The following UGDH variants were observed in gnomAD, a reference collection of about 807,000 sequenced individuals.
UGDH encodes the protein UDP-glucose 6-dehydrogenase.
UGDH carries 38 observed loss-of-function variants against 50.6 expected under a neutral mutation model. That is an observed-to-expected ratio of 0.75 (90% confidence interval 0.58 to 0.98). The LOEUF (loss-of-function observed/expected upper bound fraction) is 0.98, where lower values mean the gene tolerates loss of function less well. Ranked by LOEUF, UGDH falls within the 50% of genes least tolerant of loss-of-function variation. The pLI is 0.00. For missense variants in UGDH, 465 were observed against 606.2 expected (o/e 0.77, Z 2.45); for synonymous variants, 168 against 199.9 (o/e 0.84, Z 1.35).
chr4:39,512,293 A>G (rs551916783), intron 3 of UGDH, among the ~76,000 whole-genome samples: 11 of 152,354 alleles, frequency 7.2e-5, no homozygotes, highest in East Asian at 1.9e-4. Context: ...TTATAACCCA[A>G]TGGGAGACTA....
intron 3 of UGDH, among the ~76,000 whole-genome samples, chr4:39,511,543 G>A (rs1329779926): frequency 6.6e-6 from 1 of 151,494 alleles, no homozygotes; most frequent in African/African-American, 2.4e-5. Flanking sequence ...GATTACAGGC[G>A]TGAGCCACCG....
rs565072634 is a variant in UGDH, at chr4:39,519,311, C to T, written c.162+2040G>A. On this transcript the variant is annotated intron_variant, in intron 2 of 11. Transcript: ENST00000316423. The stretch of plus-strand genomic sequence containing the variant: ...GCTCAAATGATCCTTCTGTCTCAGC[C>T]TCCTGAGTAGCCAGAACTACAAGGC... Among the ~76,000 whole-genome samples the T allele has an allele frequency of 4.6e-5, 7 of 151,996 alleles. No homozygotes were observed. In the South Asian group the frequency reaches 1.5e-3, roughly 32 times the overall value.
intron 11 of UGDH, among the ~76,000 whole-genome samples, 187 bp downstream of exon 11, chr4:39,503,686 TTC>T (rs1745914485): frequency 1.3e-5 from 2 of 152,190 alleles, no homozygotes; most frequent in Non-Finnish European, 2.9e-5. Flanking sequence ...TGAAATAAAC[TTC>T]TGATATTGAT....
chr4:39,516,049 T>C lies in UGDH; in HGVS notation c.163-1865A>G, dbSNP rs10028146. ...TAAACAAACTGGTTTCTTCAACCAA[T>C]AGATACTGGTTGAAGCACAACTATT... is the stretch of plus-strand genomic sequence containing the variant. On this transcript the variant is annotated intron_variant, in intron 2 of 11. Transcript: ENST00000316423. 8.6e-3 allele frequency among the ~76,000 whole-genome samples: 1,314 copies of C among 152,304 alleles called. 16 individuals carry two copies. Among genetic ancestry groups the C allele is most frequent in the African/African-American group, 0.03 (1,242 of 41,564 alleles).
Position 39,498,772 on chromosome 4 carries a change from T to C in UGDH, c.*1371A>G, listed in dbSNP as rs1745681283. On this transcript the variant is annotated 3_prime_UTR_variant, in exon 12 of 12. Transcript: ENST00000316423. ...CACCCATATAGTTGTTGATGGAGAA[T>C]GTTTTATTTATGTAATTTTCATCTG... is the stretch of plus-strand genomic sequence containing the variant. 1 of 152,214 alleles carries C rather than the reference T, an allele frequency of 6.6e-6. No individual in the cohort carries two copies. The highest frequency in any genetic ancestry group is 2.1e-4 in the South Asian group (1 of 4,830). 9.4% of individuals were successfully genotyped at this position (152,214 alleles called of 1,614,324 possible).
intron 1 of UGDH, 46 bp from the exon 2 acceptor site, chr4:39,521,565 T>C: frequency 7.1e-7 from 1 of 1,409,828 alleles, no homozygotes; most frequent in Non-Finnish European, 9.4e-7. Context: ...AAACAGAAAA[T>C]TTAAAGAAAT....
Position 39,503,929 on chromosome 4 carries a change from A to G in UGDH, c.1320T>C (p.Asp440=), listed in dbSNP as rs374523650. ...KKMLKPAFIF[D]GRRVLDGLHN... ...GGAGCCCATCCAGGACACGCCGTCC[A>G]TCGAAGATAAAGGCTGGCTTTAGCA... Residue 440 remains aspartate, a synonymous_variant, in exon 11 of 12, where the codon GAT becomes GAC. Coordinates refer to ENST00000316423, the MANE Select transcript of UGDH (RefSeq NM_003359.4). 6 of 1,614,122 alleles carry G rather than the reference A, an allele frequency of 3.7e-6. No homozygotes were observed. In the African/African-American group the frequency reaches 5.3e-5, roughly 14 times the overall value.
chr4:39,512,352 G>A (rs907949923), intron 3 of UGDH, among the ~76,000 whole-genome samples: 1 of 152,156 alleles, frequency 6.6e-6, no homozygotes, highest in Non-Finnish European at 1.5e-5. Flanking sequence ...ATTGAGTTGA[G>A]GTGTGAAAAG....
intron 2 of UGDH, among the ~76,000 whole-genome samples, chr4:39,516,427 A>T (rs1372288073): frequency 1.3e-5 from 2 of 152,230 alleles, no homozygotes; most frequent in Non-Finnish European, 2.9e-5. Context: ...ACGGAGATTC[A>T]TTGTACTGTT....
At chr4:39,513,524 C>G (rs1221190397) in intron 3 of UGDH, among the ~76,000 whole-genome samples, 2 of 144,032 alleles carry the variant, frequency 1.4e-5, no homozygotes, top group Non-Finnish European at 3.0e-5. Context: ...ACCAGCATTT[C>G]CTAGTTCTTT....
rs1291880165 is a variant in UGDH at position 39,500,038 on chromosome 4, CA to C, written c.*104del. Reference sequence around the variant, plus strand: ...GTGAGACTCTGTCTCAAAAAAAAAACAAAAAAAAACACTTGGTTCATTTACC... The same window carrying C: ...GTGAGACTCTGTCTCAAAAAAAAAACAAAAAAAACACTTGGTTCATTTACC... On this transcript the variant is annotated 3_prime_UTR_variant, in exon 12 of 12. Transcript: ENST00000316423. The C allele has an allele frequency of 6.2e-5, 36 of 581,752 alleles. No homozygotes were observed. Among genetic ancestry groups the C allele is most frequent in the Middle Eastern group, 4.7e-4 (1 of 2,130 alleles). 36.0% of individuals were successfully genotyped at this position (581,752 alleles called of 1,614,324 possible). A position where few individuals can be genotyped will look rare whatever the true frequency, so the allele number is the denominator to read the frequency against.
chr4:39,515,888 C>T lies in UGDH; in HGVS notation c.163-1704G>A, dbSNP rs185450904. On this transcript the variant is annotated intron_variant, in intron 2 of 11. Coordinates refer to ENST00000316423, the MANE Select transcript of UGDH (RefSeq NM_003359.4). ...CTAATTTTTGTATTTTTGGTAGAGA[C>T]GGGGTTTTTCCATGTTGGCCAGGCT... Among the ~76,000 whole-genome samples, 148 of 152,042 alleles carry T rather than the reference C, an allele frequency of 9.7e-4. 1 individual carries two copies. Among genetic ancestry groups the T allele is most frequent in the African/African-American group, 3.5e-3 (147 of 41,502 alleles).
In UGDH at chr4:39,527,354, G is replaced by C. The variant is rs112339080; in HGVS notation, c.-79C>G. The C allele has an allele frequency of 0.015, 3,610 of 243,636 alleles. 121 individuals carry two copies. Among genetic ancestry groups the C allele is most frequent in the Non-Finnish European group, 0.016 (1,862 of 118,320 alleles). The allele number at this position is 243,636 out of a possible 1,614,324, so 15.1% of individuals were successfully genotyped here. On this transcript the variant is annotated 5_prime_UTR_variant, in exon 1 of 12. Transcript: ENST00000316423. ...CGGACAGCACCTTCCTACGGGCCGC[G>C]CCGCCGCAGCTTCTCCACCCGCGCC...
chr4:39,518,334 T>A (rs1312145044), intron 2 of UGDH, among the ~76,000 whole-genome samples: 1 of 152,068 alleles, frequency 6.6e-6, no homozygotes, highest in Non-Finnish European at 1.5e-5. Context: ...AATTGCTGGA[T>A]CACAGACTAA....
chr4:39,514,003 G>A (rs1171186274), intron 3 of UGDH, 80 bp downstream of exon 3: 1 of 1,187,668 alleles, frequency 8.4e-7, no homozygotes, highest in African/African-American at 1.8e-5. Context: ...TAATACCAAT[G>A]GATTTACTAT....
chr4:39,524,526 A>G (rs1282749309), intron 1 of UGDH, among the ~76,000 whole-genome samples: 1 of 150,896 alleles, frequency 6.6e-6, no homozygotes, highest in Non-Finnish European at 1.5e-5. Context: ...TTTCTGACAC[A>G]AGGTCTCACT....
chr4:39,524,153 C>T (rs1342585988), intron 1 of UGDH, among the ~76,000 whole-genome samples: 1 of 152,192 alleles, frequency 6.6e-6, no homozygotes, highest in Non-Finnish European at 1.5e-5. Context: ...AGGGTTACCA[C>T]TTAATCTCCT....
At chr4:39,503,525 A>G (rs1207074450) in intron 11 of UGDH, among the ~76,000 whole-genome samples, 1 of 152,186 alleles carries the variant, frequency 6.6e-6, no homozygotes, top group Non-Finnish European at 1.5e-5. Flanking sequence ...TTAGGGAGGA[A>G]GTAGAGAAGT....
chr4:39,519,963 T>C (rs1746583006), intron 2 of UGDH, among the ~76,000 whole-genome samples: 1 of 152,240 alleles, frequency 6.6e-6, no homozygotes, highest in Non-Finnish European at 1.5e-5. Flanking sequence ...CAGGCAGACC[T>C]ATCTTAGAGA....
Sources: gnomAD v4.1 joint callset for allele counts (sites outside exome capture counted in the v4.1 genomes callset) on GRCh38, gnomAD v4.1.1 for gene constraint, MANE v1.5 for transcripts, NCBI Gene and HGNC (gene_info 2026-07-23, HGNC 2026-07-21) for gene names.